Variants in DOK6 observed in about 807,000 individuals in gnomAD.
DOK6 encodes downstream of tyrosine kinase 6.
DOK6 carries 22 observed loss-of-function variants against 44.0 expected under a neutral mutation model. The ratio of observed to expected loss-of-function variants is 0.50; its 90% CI spans 0.36 to 0.71. The LOEUF (loss-of-function observed/expected upper bound fraction) is 0.71. DOK6 is among the 30% of genes least tolerant of loss of function. The pLI, the probability that DOK6 is intolerant of heterozygous loss-of-function variation, is 0.00. For synonymous variants in DOK6, 166 were observed against 145.5 expected (o/e 1.14, Z -1.01); for missense variants, 340 against 416.4 (o/e 0.82, Z 1.60).
Position 69,528,775 on chromosome 18 carries a change from A to G in DOK6, c.67-35712A>G, listed in dbSNP as rs561034228. Among the ~76,000 whole-genome samples the G allele has an allele frequency of 5.3e-5, 8 of 152,250 alleles. No homozygotes were observed. The East Asian group carries it at 1.2e-3, about 22-fold the overall frequency. On this transcript the variant is annotated intron_variant, in intron 1 of 7. Transcript: ENST00000382713. ...TCATATGTAATATTACTCAACATCT[A>G]TCTTGGTTCGAAACTATTTAAACAG...
chr18:69,498,930 A>C (rs1980973515), intron 1 of DOK6, among the ~76,000 whole-genome samples: 1 of 152,180 alleles, frequency 6.6e-6, no homozygotes, highest in South Asian at 2.1e-4. Flanking sequence ...AAAATATTTA[A>C]ATTATTAGGC....
At chr18:69,546,716 T>A (rs765165252) in intron 1 of DOK6, among the ~76,000 whole-genome samples, 1 of 151,522 alleles carries the variant, frequency 6.6e-6, no homozygotes, top group Non-Finnish European at 1.5e-5. Flanking sequence ...ACCTGTGATA[T>A]TTTGTTACAT....
At chr18:69,803,668 C>A (rs1980968005) in intron 7 of DOK6, among the ~76,000 whole-genome samples, 1 of 152,106 alleles carries the variant, frequency 6.6e-6, no homozygotes, top group Non-Finnish European at 1.5e-5. Context: ...CGAGACCATC[C>A]TGGCCAATAT....
intron 1 of DOK6, among the ~76,000 whole-genome samples, chr18:69,494,933 C>T (rs1980839264): frequency 6.6e-6 from 1 of 152,216 alleles, no homozygotes; most frequent in Non-Finnish European, 1.5e-5. Context: ...GCAGGCTCTA[C>T]TCGGCTCACA....
At chr18:69,456,364 A>G (rs73466875) in intron 1 of DOK6, among the ~76,000 whole-genome samples, 1,674 of 152,054 alleles carry the variant, frequency 0.011, 37 homozygotes, top group African/African-American at 0.039. Flanking sequence ...TATGTGGTCA[A>G]TGTTTAGCTC....
chr18:69,673,660 A>G (rs1313704710), intron 3 of DOK6, among the ~76,000 whole-genome samples: 1 of 152,212 alleles, frequency 6.6e-6, no homozygotes, highest in Non-Finnish European at 1.5e-5. Flanking sequence ...TTATTCCCAA[A>G]TGACTTTCAA....
intron 1 of DOK6, among the ~76,000 whole-genome samples, chr18:69,509,913 A>G (rs1981317886): frequency 6.6e-6 from 1 of 152,210 alleles, no homozygotes; most frequent in African/African-American, 2.4e-5. Flanking sequence ...TGCTTCCATT[A>G]TTTCAAACTT....
intron 7 of DOK6, among the ~76,000 whole-genome samples, chr18:69,760,255 A>G (rs1979501312): frequency 2.0e-5 from 3 of 152,182 alleles, no homozygotes; most frequent in Admixed American, 2.0e-4. Flanking sequence ...ACTATTGAAA[A>G]TAAGGAAGAA....
At chr18:69,473,538 A>C (rs1416606336) in intron 1 of DOK6, among the ~76,000 whole-genome samples, 1 of 152,096 alleles carries the variant, frequency 6.6e-6, no homozygotes, top group East Asian at 1.9e-4. Context: ...AGATCCCTAC[A>C]TATCAGCTGT....
chr18:69,710,703 A>C (rs1276789595), intron 5 of DOK6, among the ~76,000 whole-genome samples: 1 of 152,244 alleles, frequency 6.6e-6, no homozygotes, highest in Non-Finnish European at 1.5e-5. Flanking sequence ...TAATATTTCT[A>C]AGTAGATCAT....
At chr18:69,680,811 A>G in intron 4 of DOK6, among the ~76,000 whole-genome samples, 1 of 152,218 alleles carries the variant, frequency 6.6e-6, no homozygotes, top group South Asian at 2.1e-4. Context: ...CAGTCCTTGG[A>G]GTAGGTAGCT....
At chr18:69,657,529 A>G (rs1374647565) in intron 3 of DOK6, among the ~76,000 whole-genome samples, 5 of 152,220 alleles carry the variant, frequency 3.3e-5, no homozygotes, top group Non-Finnish European at 4.4e-5. Context: ...TTACTACAGC[A>G]TAATCTAAGT....
At chr18:69,601,647 C>T (rs1322850856) in intron 3 of DOK6, among the ~76,000 whole-genome samples, 3 of 152,218 alleles carry the variant, frequency 2.0e-5, no homozygotes, top group Admixed American at 6.5e-5. Flanking sequence ...CTCCCTGGTG[C>T]GTTGGCTTAA....
chr18:69,708,666 C>T (rs1986689886), intron 5 of DOK6, among the ~76,000 whole-genome samples: 1 of 151,884 alleles, frequency 6.6e-6, no homozygotes, highest in Non-Finnish European at 1.5e-5. Context: ...ACGCCAGTGT[C>T]CCACCTACTC....
At chr18:69,405,134 A>G (rs1318571866) in intron 1 of DOK6, among the ~76,000 whole-genome samples, 1 of 152,086 alleles carries the variant, frequency 6.6e-6, no homozygotes, top group East Asian at 1.9e-4. Flanking sequence ...TTGTGGATTC[A>G]CCTACCTCTT....
rs1389997084 is a variant in DOK6, at chr18:69,847,277, G to A, written c.*5894G>A. 6.6e-6 allele frequency: 1 copy of A among 152,080 alleles called. No homozygotes were observed. The highest frequency in any genetic ancestry group is 2.4e-5 in the African/African-American group (1 of 41,420). 9.4% of individuals were successfully genotyped at this position (152,080 alleles called of 1,614,324 possible). On this transcript the variant is annotated 3_prime_UTR_variant, in exon 8 of 8. Coordinates refer to ENST00000382713, the MANE Select transcript of DOK6 (RefSeq NM_152721.6). ...ACAATTAAGTTCCTCACTCTTTCCTGCTTTTAGGATGATTTTAGACTGTGA... is the reference window on the plus strand; with the variant it reads ...ACAATTAAGTTCCTCACTCTTTCCTACTTTTAGGATGATTTTAGACTGTGA...
At chr18:69,742,521 G>A (rs1978839562) in intron 6 of DOK6, among the ~76,000 whole-genome samples, 1 of 152,070 alleles carries the variant, frequency 6.6e-6, no homozygotes, top group Non-Finnish European at 1.5e-5. Context: ...AAATTGGTAA[G>A]ATAATTAGAA....
intron 4 of DOK6, among the ~76,000 whole-genome samples, chr18:69,685,774 A>G (rs1420306913): frequency 1.3e-5 from 2 of 152,326 alleles, no homozygotes; most frequent in East Asian, 3.9e-4. Context: ...AATTACTGGC[A>G]AAAATTTCAT....
chr18:69,709,949 G>A (rs185036008), intron 5 of DOK6, among the ~76,000 whole-genome samples: 14 of 152,256 alleles, frequency 9.2e-5, no homozygotes, highest in African/African-American at 3.4e-4. Flanking sequence ...GGCCAAGGCT[G>A]CCAGATCGCT....
Sources: gnomAD v4.1 joint callset for allele counts (sites outside exome capture counted in the v4.1 genomes callset) on GRCh38, gnomAD v4.1.1 for gene constraint, MANE v1.5 for transcripts, NCBI Gene and HGNC (gene_info 2026-07-23, HGNC 2026-07-21) for gene names.